ADAMTS17: variants seen among roughly 807,000 people sequenced by gnomAD.
ADAMTS17 encodes the protein A disintegrin and metalloproteinase with thrombospondin motifs 17.
ADAMTS17 carries 113 observed loss-of-function variants against 141.5 expected under a neutral mutation model. That is an observed-to-expected ratio of 0.80 (90% CI 0.69 to 0.93). ADAMTS17 has a LOEUF of 0.93. Among genes scored for constraint, ADAMTS17 ranks in the 40% least tolerant of loss-of-function variants. ADAMTS17 has a pLI of 0.00. For synonymous variants in ADAMTS17, 768 were observed against 630.6 expected, an observed-to-expected ratio of 1.22 and a Z score of -3.27; for missense variants, 1,659 against 1,517.9, an observed-to-expected ratio of 1.09 and a Z score of -1.54.
intron 7 of ADAMTS17, among the ~76,000 whole-genome samples, chr15:100,220,757 A>T (rs2042108727): frequency 6.6e-6 from 1 of 152,194 alleles, no homozygotes; most frequent in African/African-American, 2.4e-5. Flanking sequence ...CACCTAATGG[A>T]ATCACACGAT....
chr15:100,036,680 C>A (rs2030751327), intron 18 of ADAMTS17, among the ~76,000 whole-genome samples: 1 of 152,210 alleles, frequency 6.6e-6, no homozygotes, highest in African/African-American at 2.4e-5. Flanking sequence ...AATCTAGGAT[C>A]TTTTTATTAC....
chr15:100,292,393 A>G (rs963354478), intron 3 of ADAMTS17, among the ~76,000 whole-genome samples: 3 of 151,100 alleles, frequency 2.0e-5, no homozygotes, highest in Non-Finnish European at 4.4e-5. Context: ...CCCGTGTGAA[A>G]TTACGAGAGA....
At chr15:100,175,763 T>C (rs965487051) in intron 8 of ADAMTS17, among the ~76,000 whole-genome samples, 2 of 151,902 alleles carry the variant, frequency 1.3e-5, no homozygotes, top group Non-Finnish European at 1.5e-5. Flanking sequence ...GTGACCTCAT[T>C]GTCTGTGTGA....
At chr15:100,061,036 C>T (rs767921685) in intron 15 of ADAMTS17, among the ~76,000 whole-genome samples, 4 of 152,296 alleles carry the variant, frequency 2.6e-5, no homozygotes, top group African/African-American at 7.2e-5. Flanking sequence ...GGCAGGAAGC[C>T]GGCTCCAACC....
intron 8 of ADAMTS17, among the ~76,000 whole-genome samples, chr15:100,179,617 C>T (rs571846021): frequency 1.0e-3 from 152 of 152,288 alleles, no homozygotes; most frequent in Non-Finnish European, 1.5e-4. Flanking sequence ...ATTGAGGAAC[C>T]TCCAAACTGT....
chr15:100,216,517 T>G (rs2041973002), intron 7 of ADAMTS17, among the ~76,000 whole-genome samples: 1 of 152,190 alleles, frequency 6.6e-6, no homozygotes, highest in African/African-American at 2.4e-5. Context: ...AGGACAAGGT[T>G]GGCCACGACA....
chr15:100,015,928 C>T (rs2466952), intron 18 of ADAMTS17, among the ~76,000 whole-genome samples: 5 of 152,046 alleles, frequency 3.3e-5, no homozygotes, highest in Non-Finnish European at 7.4e-5. Flanking sequence ...GCAAGGCTGG[C>T]GAAGTATTCC....
At chr15:99,976,596 G>A (rs142501568) in intron 20 of ADAMTS17, 356 of 386,484 alleles carry the variant, frequency 9.2e-4, no homozygotes, top group Admixed American at 1.5e-3. Context: ...GTGGAGGTGG[G>A]TGGCTTTGGG....
chr15:100,052,806 C>T (rs561721768), intron 16 of ADAMTS17, among the ~76,000 whole-genome samples: 53 of 152,278 alleles, frequency 3.5e-4, no homozygotes, highest in Non-Finnish European at 7.4e-4. Context: ...GTGGACTTAG[C>T]GGGCTGAGAG....
intron 7 of ADAMTS17, among the ~76,000 whole-genome samples, chr15:100,235,372 C>T (rs2042623799): frequency 1.3e-5 from 2 of 152,080 alleles, no homozygotes; most frequent in African/African-American, 4.8e-5. Flanking sequence ...CCTCCCCACA[C>T]TGACCTCCCC....
At chr15:100,219,435 T>C (rs191910632) in intron 7 of ADAMTS17, among the ~76,000 whole-genome samples, 30 of 152,316 alleles carry the variant, frequency 2.0e-4, no homozygotes, top group Admixed American at 1.7e-3. Context: ...TTCCTACTTA[T>C]AAGAGTATAA....
chr15:100,033,721 G>A (rs2141497368), intron 18 of ADAMTS17, among the ~76,000 whole-genome samples: 1 of 152,344 alleles, frequency 6.6e-6, no homozygotes. Context: ...GGATACAGGA[G>A]CTGCTCCAGC....
chr15:100,277,413 C>T (rs2044135482), intron 4 of ADAMTS17, among the ~76,000 whole-genome samples: 1 of 152,162 alleles, frequency 6.6e-6, no homozygotes, highest in South Asian at 2.1e-4. Flanking sequence ...ATCAAACAGC[C>T]ACCCCTGCCT....
chr15:100,248,694 G>T (rs993407164), intron 7 of ADAMTS17, among the ~76,000 whole-genome samples: 2 of 152,172 alleles, frequency 1.3e-5, no homozygotes, highest in African/African-American at 2.4e-5. Flanking sequence ...CCAACGTGGA[G>T]ATCAGAATTC....
At chr15:100,329,047 T>C (rs1339276404) in intron 3 of ADAMTS17, among the ~76,000 whole-genome samples, 1 of 152,104 alleles carries the variant, frequency 6.6e-6, no homozygotes, top group Non-Finnish European at 1.5e-5. Flanking sequence ...AGTCTTTACT[T>C]TGCCAGATGT....
intron 15 of ADAMTS17, among the ~76,000 whole-genome samples, chr15:100,092,204 T>C (rs892495137): frequency 2.6e-5 from 4 of 152,240 alleles, no homozygotes; most frequent in African/African-American, 4.8e-5. Context: ...CATTTGACTC[T>C]GTCTTTTATA....
At chr15:100,331,624 G>C (rs1366293010) in intron 2 of ADAMTS17, among the ~76,000 whole-genome samples, 1 of 152,158 alleles carries the variant, frequency 6.6e-6, no homozygotes, top group African/African-American at 2.4e-5. Context: ...GGGAGGACCT[G>C]GTTTGAACAC....
At chr15:100,062,342 A>G (rs1306885509) in intron 15 of ADAMTS17, among the ~76,000 whole-genome samples, 2 of 152,076 alleles carry the variant, frequency 1.3e-5, no homozygotes, top group Non-Finnish European at 2.9e-5. Context: ...AGCTTGGGAC[A>G]GGGGGGGATC....
intron 7 of ADAMTS17, among the ~76,000 whole-genome samples, chr15:100,248,947 C>T (rs1362227343): frequency 2.0e-5 from 3 of 152,000 alleles, no homozygotes; most frequent in African/African-American, 4.8e-5. Context: ...TACAGGTGCC[C>T]GCCACCACGC....
Sources: gnomAD v4.1 joint callset for allele counts (sites outside exome capture counted in the v4.1 genomes callset) on GRCh38, gnomAD v4.1.1 for gene constraint, MANE v1.5 for transcripts, NCBI Gene and HGNC (gene_info 2026-07-23, HGNC 2026-07-21) for gene names.